Variants in PTPRM observed in about 807,000 individuals in gnomAD.
PTPRM encodes the protein protein tyrosine phosphatase receptor type M.
In PTPRM, 47 loss-of-function variants were observed where a neutral mutation model predicts 186.7. That is an observed-to-expected ratio of 0.25 (90% confidence interval 0.20 to 0.32). PTPRM has a LOEUF of 0.32. Among genes scored for constraint, PTPRM ranks in the 10% least tolerant of loss-of-function variants. The pLI is 1.00. For synonymous variants in PTPRM, 668 were observed against 674.9 expected (o/e 0.99, Z 0.16); for missense variants, 1,494 against 1,865.0 (o/e 0.80, Z 3.66).
chr18:8,343,859 C>G lies in PTPRM; in HGVS notation c.3054+339C>G, dbSNP rs528810149. On this transcript the variant is annotated intron_variant, in intron 23 of 32. Coordinates refer to ENST00000580170, the MANE Select transcript of PTPRM (RefSeq NM_001105244.2). ...GCTGCATTAGACATGACTACCTTCC[C>G]AAACTCCCAAAATTGGCTCTAAAAA... 7.8e-5 allele frequency among the ~76,000 whole-genome samples: 4 copies of G among 51,076 alleles called. No homozygotes were observed. In the South Asian group the frequency reaches 2.6e-3, roughly 33 times the overall value. 33.5% of individuals were successfully genotyped at this position (51,076 alleles called of 152,430 possible). A position where few individuals can be genotyped will look rare whatever the true frequency, so the allele number is the denominator to read the frequency against.
chr18:8,345,041 T>C (rs1388915873), intron 23 of PTPRM, among the ~76,000 whole-genome samples: 1 of 152,094 alleles, frequency 6.6e-6, no homozygotes, highest in Admixed American at 6.5e-5. Context: ...AGGGTCAAAG[T>C]AAACACCTAA....
At chr18:8,353,716 TAAG>T (rs3842404) in intron 23 of PTPRM, among the ~76,000 whole-genome samples, 18,264 of 151,960 alleles carry the variant, frequency 0.12, 1,447 homozygotes, top group African/African-American at 0.23. Flanking sequence ...ATGCTGAGTT[TAAG>T]AAGCTGAATG....
intron 3 of PTPRM, among the ~76,000 whole-genome samples, chr18:7,889,367 C>T (rs2048950998): frequency 8.0e-6 from 1 of 125,082 alleles, no homozygotes; most frequent in African/African-American, 3.1e-5. Context: ...GACTGGGACT[C>T]GTTCCATCAC....
At chr18:7,630,507 A>G (rs1179214678) in intron 1 of PTPRM, among the ~76,000 whole-genome samples, 4 of 152,104 alleles carry the variant, frequency 2.6e-5, no homozygotes, top group African/African-American at 9.7e-5. Context: ...TGTGGTTATG[A>G]GGAGGAGCAG....
intron 1 of PTPRM, among the ~76,000 whole-genome samples, chr18:7,674,776 T>C (rs1184597964): frequency 6.6e-6 from 1 of 152,238 alleles, no homozygotes; most frequent in Non-Finnish European, 1.5e-5. Flanking sequence ...TAAAATCAAT[T>C]AGTTAATACA....
At chr18:7,837,328 G>A (rs547453067) in intron 2 of PTPRM, among the ~76,000 whole-genome samples, 75 of 152,148 alleles carry the variant, frequency 4.9e-4, no homozygotes, top group Admixed American at 1.8e-3. Flanking sequence ...TGCTAATTGA[G>A]TTTTTCAGCT....
chr18:7,742,930 A>G (rs1000560572), intron 1 of PTPRM, among the ~76,000 whole-genome samples: 3 of 152,190 alleles, frequency 2.0e-5, no homozygotes, highest in African/African-American at 7.2e-5. Context: ...TGCATAGATT[A>G]TTTACCCATT....
chr18:7,591,816 G>A (rs930561452), intron 1 of PTPRM, among the ~76,000 whole-genome samples: 1 of 152,134 alleles, frequency 6.6e-6, no homozygotes, highest in African/African-American at 2.4e-5. Flanking sequence ...TTTATGAACC[G>A]TGATTGACAG....
chr18:8,076,442 C>T lies in PTPRM; in HGVS notation c.1442-13C>T. On this transcript the variant is annotated splice_polypyrimidine_tract_variant and intron_variant, in intron 8 of 32. Transcript: ENST00000580170. ...TATTACTTAAACATTTATTTCCTCC[C>T]ACCCTCCTTTAGTCCCAGGTGCTGT... The T allele has an allele frequency of 6.9e-7, 1 of 1,452,460 alleles. No individual in the cohort carries two copies. The highest frequency in any genetic ancestry group is 9.6e-7 in the Non-Finnish European group (1 of 1,038,588). 90.0% of individuals were successfully genotyped at this position (1,452,460 alleles called of 1,614,324 possible).
At chr18:8,233,068 G>A (rs1393426781) in intron 14 of PTPRM, among the ~76,000 whole-genome samples, 2 of 152,184 alleles carry the variant, frequency 1.3e-5, no homozygotes, top group East Asian at 1.9e-4. Flanking sequence ...ACCTTTTGGC[G>A]ACAGGAGCAG....
intron 13 of PTPRM, among the ~76,000 whole-genome samples, chr18:8,120,402 T>C (rs2092124057): frequency 6.6e-6 from 1 of 152,104 alleles, no homozygotes; most frequent in Non-Finnish European, 1.5e-5. Flanking sequence ...CTGACTGACA[T>C]AGCTATTTTC....
chr18:8,318,756 A>G (rs1188453980), intron 21 of PTPRM, among the ~76,000 whole-genome samples: 6 of 152,250 alleles, frequency 3.9e-5, no homozygotes, highest in African/African-American at 7.2e-5. Flanking sequence ...GAGGATCACT[A>G]TTGATATAAC....
intron 2 of PTPRM, among the ~76,000 whole-genome samples, chr18:7,849,032 T>C (rs2046735442): frequency 6.6e-6 from 1 of 152,136 alleles, no homozygotes; most frequent in South Asian, 2.1e-4. Flanking sequence ...TCTTTTCCTC[T>C]CCCCTGCCAC....
At position 8,380,435 on chromosome 18, in the gene PTPRM, C is replaced by G; in HGVS notation, c.3918+8C>G. ...GATGTGGATCCTGCCCAGGTGAGAC[C>G]CGGACTTCTTACAGTCAGAACTAGT... On this transcript the variant is annotated splice_region_variant and intron_variant, in intron 29 of 32. Coordinates refer to ENST00000580170, the MANE Select transcript of PTPRM (RefSeq NM_001105244.2). 1 of 1,613,976 alleles carries G rather than the reference C, an allele frequency of 6.2e-7. No individual in the cohort carries two copies. The highest frequency in any genetic ancestry group is 8.5e-7 in the Non-Finnish European group (1 of 1,179,954).
chr18:7,600,269 A>T (rs1223124335), intron 1 of PTPRM, among the ~76,000 whole-genome samples: 1 of 152,246 alleles, frequency 6.6e-6, no homozygotes. Context: ...GGGGCTGAGA[A>T]CAGTGACTGT....
intron 19 of PTPRM, among the ~76,000 whole-genome samples, chr18:8,294,548 A>G (rs1201500355): frequency 1.3e-5 from 2 of 152,078 alleles, no homozygotes; most frequent in Admixed American, 6.5e-5. Context: ...CCCACAACAC[A>G]TGGGGATTAT....
intron 7 of PTPRM, among the ~76,000 whole-genome samples, chr18:8,022,419 C>CA (rs1421476613): frequency 6.6e-6 from 1 of 152,174 alleles, no homozygotes; most frequent in African/African-American, 2.4e-5. Context: ...GCTTGGAAAG[C>CA]GTTTTCTAAG....
intron 14 of PTPRM, among the ~76,000 whole-genome samples, chr18:8,185,565 G>A (rs141448232): frequency 6.6e-5 from 10 of 152,344 alleles, no homozygotes; most frequent in Middle Eastern, 3.4e-3. Flanking sequence ...ACAGGGCCTG[G>A]CAGGTCAGTG....
chr18:7,966,171 C>T lies in PTPRM; in HGVS notation c.1132+10757C>T, dbSNP rs138859165. 5.8e-3 allele frequency among the ~76,000 whole-genome samples: 884 copies of T among 152,036 alleles called. 8 individuals carry two copies. The highest frequency in any genetic ancestry group is 0.018 in the African/African-American group (731 of 41,472). On this transcript the variant is annotated intron_variant, in intron 7 of 32. Transcript: ENST00000580170. ...AATAGAATGCTTTAAAAATGAATAA[C>T]GCATATAAATGGAATTTAAATTATA... is the stretch of plus-strand genomic sequence containing the variant.
Sources: allele counts gnomAD v4.1 joint callset (sites outside exome capture counted in the v4.1 genomes callset), GRCh38; gene constraint gnomAD v4.1.1; transcripts MANE v1.5; gene names NCBI Gene and HGNC (gene_info 2026-07-23, HGNC 2026-07-21).